Variants in COPS8 observed in about 807,000 individuals in gnomAD.
COPS8 encodes the protein COP9 signalosome subunit 8.
COPS8 carries 11 observed loss-of-function variants against 31.5 expected under a neutral mutation model. That is an observed-to-expected ratio of 0.35 (90% CI 0.22 to 0.58). The LOEUF (loss-of-function observed/expected upper bound fraction) is 0.58. Among genes scored for constraint, COPS8 ranks in the 20% least tolerant of loss-of-function variants. The pLI is 0.83. For missense variants in COPS8, 215 were observed against 255.1 expected (o/e 0.84, Z 1.07); for synonymous variants, 81 against 89.3 (o/e 0.91, Z 0.52).
intron 4 of COPS8, among the ~76,000 whole-genome samples, chr2:237,090,439 A>G (rs536018729): frequency 1.8e-4 from 27 of 152,346 alleles, no homozygotes; most frequent in African/African-American, 6.5e-4. Flanking sequence ...TTGCTTTGAA[A>G]GATTACAAGC....
In COPS8 at chr2:237,085,944, G is replaced by A. The variant is rs1393814423; in HGVS notation, c.-21G>A. ...GGGGTTTGGCTGTCCGGACGGTGCA[G>A]CGGCGAGGCCGGCCGCGAAGATGCC... On this transcript the variant is annotated 5_prime_UTR_variant, in exon 1 of 8. Coordinates refer to ENST00000354371, the MANE Select transcript of COPS8 (RefSeq NM_006710.5). 6.8e-6 allele frequency: 11 copies of A among 1,609,490 alleles called. No homozygotes were observed. Among genetic ancestry groups the A allele is most frequent in the East Asian group, 2.2e-5 (1 of 44,672 alleles).
chr2:237,086,161 G>C (rs1195396161), intron 1 of COPS8, 119 bp downstream of exon 1: 4 of 958,102 alleles, frequency 4.2e-6, no homozygotes, highest in Non-Finnish European at 6.5e-6. Flanking sequence ...CGGGGCGGGC[G>C]TGGGAGGTGG....
chr2:237,094,315 T>A, intron 5 of COPS8, 118 bp downstream of exon 5: 1 of 955,726 alleles, frequency 1.0e-6, no homozygotes, highest in Non-Finnish European at 1.5e-6. Flanking sequence ...CCAGGCTGTG[T>A]TTTTTGAGAG....
intron 4 of COPS8, among the ~76,000 whole-genome samples, chr2:237,092,616 G>A (rs531678177): frequency 2.6e-4 from 40 of 152,076 alleles, no homozygotes; most frequent in African/African-American, 8.9e-4. Flanking sequence ...TCCATTGAAT[G>A]TATGCAGCCT....
intron 5 of COPS8, among the ~76,000 whole-genome samples, chr2:237,094,535 C>A (rs1696759774): frequency 6.6e-6 from 1 of 152,050 alleles, no homozygotes; most frequent in Admixed American, 6.5e-5. Flanking sequence ...ATTTTCCCTG[C>A]CATTTCTGAC....
intron 4 of COPS8, among the ~76,000 whole-genome samples, chr2:237,091,177 G>T (rs996518835): frequency 6.6e-6 from 1 of 152,032 alleles, no homozygotes; most frequent in Non-Finnish European, 1.5e-5. Context: ...TCCCGGAGCC[G>T]CCTCTCACTG....
intron 6 of COPS8, chr2:237,096,592 C>T (rs1489461160): frequency 3.4e-6 from 2 of 581,838 alleles, no homozygotes; most frequent in African/African-American, 3.8e-5. Context: ...AAAGGATTCT[C>T]AATGTGCTCA....
chr2:237,096,829 G>A lies in COPS8; in HGVS notation c.510G>A (p.Gly170=), dbSNP rs1696809788. The change falls in exon 7 of 8, where the codon GGG becomes GGA. Residue 170 remains glycine, a synonymous_variant. Coordinates refer to ENST00000354371, the MANE Select transcript of COPS8 (RefSeq NM_006710.5). The part of the protein sequence containing the change: ...RMVLPRKPVA[G]ALDVSFNKFI... ...TTTTTTTTTTGAATTTAGTTGCAGG[G>A]GCCCTGGATGTTTCCTTTAACAAGT... 8.7e-6 allele frequency: 14 copies of A among 1,610,724 alleles called. No individual in the cohort carries two copies. The highest frequency in any genetic ancestry group is 1.2e-5 in the Non-Finnish European group (14 of 1,178,354).
intron 3 of COPS8, among the ~76,000 whole-genome samples, chr2:237,089,066 G>A (rs897873060): frequency 1.3e-5 from 2 of 152,154 alleles, no homozygotes; most frequent in Non-Finnish European, 2.9e-5. Context: ...GATTATTTTT[G>A]TTAATTAGGA....
At position 237,099,557 on chromosome 2, in the gene COPS8, A is replaced by G. The variant is rs1289480523; in HGVS notation, c.*1815A>G. On this transcript the variant is annotated 3_prime_UTR_variant, in exon 8 of 8. Coordinates refer to ENST00000354371, the MANE Select transcript of COPS8 (RefSeq NM_006710.5). ...GTATAGATTAAATTAATAATCATGT[A>G]ACATTAGACCCCAGTAATCTTAAAT... is the stretch of plus-strand genomic sequence containing the variant. 1 of 152,182 alleles carries G rather than the reference A, an allele frequency of 6.6e-6. No individual in the cohort carries two copies. The highest frequency in any genetic ancestry group is 2.4e-5 in the African/African-American group (1 of 41,452). The allele number at this position is 152,182 out of a possible 1,614,324, so 9.4% of individuals were successfully genotyped here.
intron 4 of COPS8, among the ~76,000 whole-genome samples, chr2:237,092,020 G>A (rs1696713488): frequency 6.6e-6 from 1 of 152,234 alleles, no homozygotes; most frequent in Non-Finnish European, 1.5e-5. Flanking sequence ...GGATGGGAGT[G>A]ACTAGTTCAT....
Position 237,089,938 on chromosome 2 carries a change from C to G in COPS8, c.275C>G (p.Thr92Ser). 1.2e-6 allele frequency: 2 copies of G among 1,613,936 alleles called. No individual in the cohort carries two copies. The highest frequency in any genetic ancestry group is 8.5e-7 in the Non-Finnish European group (1 of 1,179,922). Residue 92 changes from threonine to serine, a missense_variant, in exon 4 of 8, where the codon ACC (threonine) becomes AGC (serine). Physicochemically the swap from Thr to Ser is moderately conservative, Grantham distance 58. Transcript: ENST00000354371. ...WQRDFPGIYT[T>S]INAHQWSETV... Reference sequence around the variant, plus strand: ...AGAGATTTCCCTGGGATCTATACAACCATCAACGCTCACCAGTGGTCTGAG... The same window carrying G: ...AGAGATTTCCCTGGGATCTATACAAGCATCAACGCTCACCAGTGGTCTGAG...
chr2:237,094,896 G>A (rs1696770375), intron 5 of COPS8, among the ~76,000 whole-genome samples: 1 of 152,174 alleles, frequency 6.6e-6, no homozygotes, highest in Admixed American at 6.5e-5. Flanking sequence ...AATCCAGGAG[G>A]TGGAGGTTGC....
chr2:237,096,751 T>C lies in COPS8; in HGVS notation c.503-71T>C. On this transcript the variant is annotated intron_variant, in intron 6 of 7. Transcript: ENST00000354371. ...CGTTAAATGCATGTTGTGCTGAAAA[T>C]AGCATGTTCTATGAAAGATCTTTAC... The C allele has an allele frequency of 2.5e-6, 3 of 1,185,114 alleles. 1 individual carries two copies. Among genetic ancestry groups the C allele is most frequent in the Non-Finnish European group, 3.8e-6 (3 of 798,382 alleles). 73.4% of individuals were successfully genotyped at this position (1,185,114 alleles called of 1,614,324 possible). A position where few individuals can be genotyped will look rare whatever the true frequency, so the allele number is the denominator to read the frequency against.
chr2:237,093,170 G>C (rs1030136836), intron 4 of COPS8, among the ~76,000 whole-genome samples: 1 of 152,202 alleles, frequency 6.6e-6, no homozygotes, highest in Admixed American at 6.5e-5. Context: ...GCCCCAGGGG[G>C]AGAAGGTGTA....
At position 237,097,673 on chromosome 2, in the gene COPS8, A is replaced by G. The variant is rs907749452; in HGVS notation, c.561A>G (p.Pro187=). ...TTCTTTAACATACAGAGCCTGCTCCAGTTCCCCCAATACCCAATGAACAGC... is the reference window on the plus strand; with the variant it reads ...TTCTTTAACATACAGAGCCTGCTCCGGTTCCCCCAATACCCAATGAACAGC... ...NKFIPLSEPA[P]VPPIPNEQQL... The change falls in exon 8 of 8, where the codon CCA becomes CCG. Residue 187 remains proline (P), a synonymous_variant. Transcript: ENST00000354371. 6.2e-7 allele frequency: 1 copy of G among 1,612,886 alleles called. No individual in the cohort carries two copies. Among genetic ancestry groups the G allele is most frequent in the African/African-American group, 1.3e-5 (1 of 74,878 alleles).
intron 4 of COPS8, among the ~76,000 whole-genome samples, chr2:237,093,026 T>G (rs1471873005): frequency 6.6e-6 from 1 of 152,140 alleles, no homozygotes; most frequent in Non-Finnish European, 1.5e-5. Flanking sequence ...GAAAGTTGCT[T>G]GTTAAAGTAG....
intron 4 of COPS8, among the ~76,000 whole-genome samples, chr2:237,092,046 C>T (rs1488326415): frequency 6.6e-6 from 1 of 152,214 alleles, no homozygotes; most frequent in Non-Finnish European, 1.5e-5. Flanking sequence ...CTTCTGTCTC[C>T]AGCACTGGCA....
chr2:237,096,888 A>G lies in COPS8; in HGVS notation c.550+19A>G. ...TTATCAGGTATGTATTTTCATATGC[A>G]CATTTTTTAATGTCTCATTGTTCCT... On this transcript the variant is annotated intron_variant, in intron 7 of 7. Transcript: ENST00000354371. 1.3e-6 allele frequency: 2 copies of G among 1,558,336 alleles called. No homozygotes were observed. Among genetic ancestry groups the G allele is most frequent in the Non-Finnish European group, 1.8e-6 (2 of 1,133,348 alleles).
Sources: gnomAD v4.1 joint callset for allele counts (sites outside exome capture counted in the v4.1 genomes callset) on GRCh38, gnomAD v4.1.1 for gene constraint, MANE v1.5 for transcripts, NCBI Gene and HGNC (gene_info 2026-07-23, HGNC 2026-07-21) for gene names.